The following CADM2 variants were observed in gnomAD, a reference collection of about 807,000 sequenced individuals.
CADM2 encodes immunoglobulin superfamily member 4D.
In CADM2, 12 loss-of-function variants were observed where a neutral mutation model predicts 49.8. That is an observed-to-expected ratio of 0.24 (90% CI 0.15 to 0.39). CADM2 has a LOEUF of 0.39. CADM2 is among the 10% of genes least tolerant of loss of function. The pLI is 1.00. For synonymous variants in CADM2, 214 were observed against 175.4 expected, an observed-to-expected ratio of 1.22 and a Z score of -1.74; for missense variants, 378 against 492.3, an observed-to-expected ratio of 0.77 and a Z score of 2.20.
chr3:85,904,597 T>C (rs1387302244), intron 5 of CADM2, among the ~76,000 whole-genome samples: 2 of 152,204 alleles, frequency 1.3e-5, no homozygotes, highest in Non-Finnish European at 2.9e-5. Flanking sequence ...CTATAGACCC[T>C]TGGCACAATT....
chr3:85,593,702 A>G (rs2063169795), intron 1 of CADM2, among the ~76,000 whole-genome samples: 1 of 152,028 alleles, frequency 6.6e-6, no homozygotes, highest in Non-Finnish European at 1.5e-5. Context: ...ACATTTGAGC[A>G]TTTGTCAAGC....
intron 5 of CADM2, among the ~76,000 whole-genome samples, chr3:85,910,883 A>G (rs1184936458): frequency 6.6e-6 from 1 of 152,116 alleles, no homozygotes; most frequent in African/African-American, 2.4e-5. Flanking sequence ...TGATAAAGTC[A>G]TACTTCTGAA....
At chr3:85,639,373 C>T (rs1010630928) in intron 1 of CADM2, among the ~76,000 whole-genome samples, 2 of 152,152 alleles carry the variant, frequency 1.3e-5, no homozygotes, top group Admixed American at 1.3e-4. Context: ...CCCGTGTTTA[C>T]TGTAACATCT....
intron 8 of CADM2, among the ~76,000 whole-genome samples, chr3:86,009,068 TAATA>T (rs1262806721): frequency 6.7e-6 from 1 of 149,228 alleles, no homozygotes; most frequent in Non-Finnish European, 1.5e-5. Flanking sequence ...CTTACAAGTT[TAATA>T]AATCCAGACT....
intron 1 of CADM2, among the ~76,000 whole-genome samples, chr3:85,274,013 A>G (rs1275260441): frequency 6.6e-6 from 1 of 151,492 alleles, no homozygotes; most frequent in Non-Finnish European, 1.5e-5. Flanking sequence ...CACAGAAACT[A>G]CTTCAAGAAG....
chr3:85,677,073 A>AG (rs2065906253), intron 1 of CADM2, among the ~76,000 whole-genome samples: 1 of 152,150 alleles, frequency 6.6e-6, no homozygotes, highest in African/African-American at 2.4e-5. Flanking sequence ...GTAGCCTAAA[A>AG]TTAAATTAGC....
chr3:85,335,955 T>C (rs2045068085), intron 1 of CADM2, among the ~76,000 whole-genome samples: 1 of 151,436 alleles, frequency 6.6e-6, no homozygotes, highest in Admixed American at 6.6e-5. Context: ...TCTCTGATTG[T>C]ATTCATTACT....
chr3:86,001,592 G>A (rs1348630605), intron 8 of CADM2, among the ~76,000 whole-genome samples: 4 of 152,108 alleles, frequency 2.6e-5, no homozygotes. Flanking sequence ...AAAGGGGGAT[G>A]ATGGGCTGGC....
intron 1 of CADM2, among the ~76,000 whole-genome samples, chr3:85,359,667 T>TATATA (rs1491224693): frequency 6.1e-5 from 1 of 16,504 alleles, no homozygotes; most frequent in African/African-American, 1.9e-4. Flanking sequence ...TATATATATA[T>TATATA]TTTTTTTTTT....
intron 8 of CADM2, among the ~76,000 whole-genome samples, chr3:86,064,407 A>G (rs1321476083): frequency 6.6e-6 from 1 of 152,152 alleles, no homozygotes; most frequent in East Asian, 1.9e-4. Context: ...ATGACTGCAT[A>G]GTATTCCATG....
intron 7 of CADM2, among the ~76,000 whole-genome samples, chr3:85,951,775 A>T (rs192567404): frequency 1.3e-5 from 2 of 151,190 alleles, no homozygotes; most frequent in East Asian, 3.9e-4. Context: ...TAAAACAAAC[A>T]TCATTTACCT....
chr3:86,058,321 G>A, intron 8 of CADM2, among the ~76,000 whole-genome samples: 1 of 152,122 alleles, frequency 6.6e-6, no homozygotes, highest in South Asian at 2.1e-4. Context: ...CAGCTTATAC[G>A]TTCCAACTCT....
At chr3:85,418,708 A>G (rs2036022825) in intron 1 of CADM2, among the ~76,000 whole-genome samples, 1 of 152,176 alleles carries the variant, frequency 6.6e-6, no homozygotes, top group South Asian at 2.1e-4. Context: ...ATTCATAAAT[A>G]GAGTAACAAA....
At chr3:85,223,848 C>T (rs1022862944) in intron 1 of CADM2, among the ~76,000 whole-genome samples, 3 of 152,054 alleles carry the variant, frequency 2.0e-5, no homozygotes, top group Admixed American at 6.6e-5. Flanking sequence ...TGAGAACATG[C>T]GGTGTTTTGT....
At chr3:85,899,241 C>T (rs1715766398) in intron 5 of CADM2, among the ~76,000 whole-genome samples, 1 of 151,860 alleles carries the variant, frequency 6.6e-6, no homozygotes, top group South Asian at 2.1e-4. Flanking sequence ...GCTGGGATTA[C>T]AGGTGTGAGC....
chr3:85,237,129 A>G (rs2042425105), intron 1 of CADM2, among the ~76,000 whole-genome samples: 1 of 152,082 alleles, frequency 6.6e-6, no homozygotes, highest in South Asian at 2.1e-4. Flanking sequence ...ACCAAAGGCA[A>G]GCGATTAGTT....
At chr3:85,764,833 A>T (rs964208631) in intron 2 of CADM2, among the ~76,000 whole-genome samples, 1 of 152,102 alleles carries the variant, frequency 6.6e-6, no homozygotes, top group Non-Finnish European at 1.5e-5. Flanking sequence ...TTCTCAACAG[A>T]GTTGTAAAGT....
At chr3:85,480,836 TAACACAAAAATAGAA>T (rs1188211798) in intron 1 of CADM2, among the ~76,000 whole-genome samples, 1 of 151,708 alleles carries the variant, frequency 6.6e-6, no homozygotes, top group Non-Finnish European at 1.5e-5. Flanking sequence ...TAGGACAGAG[TAACACAAAAATAGAA>T]AATAAAAAAT....
intron 1 of CADM2, among the ~76,000 whole-genome samples, chr3:85,117,851 T>C (rs919137909): frequency 6.6e-6 from 1 of 152,168 alleles, no homozygotes; most frequent in Non-Finnish European, 1.5e-5. Context: ...ATATTTTTTA[T>C]ATTTTGGGAG....
Sources: allele counts gnomAD v4.1 joint callset (sites outside exome capture counted in the v4.1 genomes callset), GRCh38; gene constraint gnomAD v4.1.1; transcripts MANE v1.5; gene names NCBI Gene and HGNC (gene_info 2026-07-23, HGNC 2026-07-21).